AUTS2: variants seen among roughly 807,000 people sequenced by gnomAD.
AUTS2 encodes activator of transcription and developmental regulator AUTS2.
AUTS2 carries 17 observed loss-of-function variants against 112.4 expected under a neutral mutation model. That is an observed-to-expected ratio of 0.15 (90% CI 0.10 to 0.23). The LOEUF (loss-of-function observed/expected upper bound fraction) is 0.23. Ranked by LOEUF, AUTS2 falls within the 10% of genes least tolerant of loss-of-function variation. AUTS2 has a pLI of 1.00. For missense variants in AUTS2, 1,510 were observed against 1,701.6 expected (o/e 0.89, Z 1.98); for synonymous variants, 751 against 702.7 (o/e 1.07, Z -1.09).
intron 4 of AUTS2, among the ~76,000 whole-genome samples, chr7:70,382,917 G>A (rs952689892): frequency 6.6e-6 from 1 of 152,074 alleles, no homozygotes; most frequent in Non-Finnish European, 1.5e-5. Context: ...ACCACCTGAA[G>A]CTGTATCACC....
At chr7:69,628,892 G>A (rs754087168) in intron 1 of AUTS2, among the ~76,000 whole-genome samples, 3 of 152,166 alleles carry the variant, frequency 2.0e-5, no homozygotes, top group Non-Finnish European at 4.4e-5. Context: ...GGAAACCGAG[G>A]CACTGAGATG....
chr7:69,700,162 G>A (rs1797746002), intron 1 of AUTS2, among the ~76,000 whole-genome samples: 1 of 152,134 alleles, frequency 6.6e-6, no homozygotes, highest in South Asian at 2.1e-4. Flanking sequence ...TTGCCAATCT[G>A]ATAGGAGAAA....
intron 4 of AUTS2, among the ~76,000 whole-genome samples, chr7:70,141,089 G>C (rs1806837070): frequency 6.6e-6 from 1 of 152,212 alleles, no homozygotes; most frequent in Non-Finnish European, 1.5e-5. Context: ...GAGCTTGATG[G>C]ATGTTTAGAT....
intron 5 of AUTS2, among the ~76,000 whole-genome samples, chr7:70,551,788 G>A (rs1181752557): frequency 6.6e-6 from 1 of 152,106 alleles, no homozygotes; most frequent in Non-Finnish European, 1.5e-5. Context: ...TAGTAATAGG[G>A]GACACTGGAT....
At chr7:70,304,671 T>G (rs1789405523) in intron 4 of AUTS2, among the ~76,000 whole-genome samples, 1 of 151,990 alleles carries the variant, frequency 6.6e-6, no homozygotes, top group South Asian at 2.1e-4. Context: ...AGGATGAATA[T>G]TCCATATTTG....
At position 70,560,133 on chromosome 7, in the gene AUTS2, G is replaced by A. The variant is rs374907494; in HGVS notation, c.690+124352G>A. The stretch of plus-strand genomic sequence containing the variant: ...GCTCTATCCCGTTATATAGATGGTC[G>A]CTTGGCTTGTTCTCTCACTTCATTC... On this transcript the variant is annotated intron_variant, in intron 5 of 18. Coordinates refer to ENST00000342771, the MANE Select transcript of AUTS2 (RefSeq NM_015570.4). Among the ~76,000 whole-genome samples the A allele has an allele frequency of 7.2e-5, 11 of 152,208 alleles. No homozygotes were observed. In the East Asian group the frequency reaches 7.7e-4, roughly 11 times the overall value.
At chr7:70,616,215 A>C (rs1489963784) in intron 5 of AUTS2, among the ~76,000 whole-genome samples, 2 of 152,238 alleles carry the variant, frequency 1.3e-5, no homozygotes, top group East Asian at 3.9e-4. Context: ...ACATGAAGCC[A>C]GTGCTAGGCC....
chr7:70,362,513 T>C (rs1240725071), intron 4 of AUTS2, among the ~76,000 whole-genome samples: 2 of 152,114 alleles, frequency 1.3e-5, no homozygotes, highest in African/African-American at 4.8e-5. Context: ...CTTGCAGTCT[T>C]ATAAAATAAG....
intron 4 of AUTS2, among the ~76,000 whole-genome samples, chr7:70,420,554 G>A (rs961483575): frequency 1.3e-5 from 2 of 152,162 alleles, no homozygotes; most frequent in Non-Finnish European, 2.9e-5. Flanking sequence ...CCAAGTAATC[G>A]GTTCTGTTCC....
At chr7:69,866,194 C>A (rs944225301) in intron 1 of AUTS2, among the ~76,000 whole-genome samples, 1 of 152,164 alleles carries the variant, frequency 6.6e-6, no homozygotes, top group East Asian at 1.9e-4. Context: ...GCCTACTACT[C>A]CAAAGCCTTC....
At chr7:69,788,470 T>C (rs1357288537) in intron 1 of AUTS2, among the ~76,000 whole-genome samples, 2 of 152,140 alleles carry the variant, frequency 1.3e-5, no homozygotes, top group African/African-American at 4.8e-5. Context: ...GTTTGTGAAG[T>C]CTGGGCAGGC....
chr7:70,787,323 C>A lies in AUTS2; in HGVS notation c.2423C>A (p.Pro808His). The A allele has an allele frequency of 6.2e-7, 1 of 1,614,160 alleles. No homozygotes were observed. The highest frequency in any genetic ancestry group is 8.5e-7 in the Non-Finnish European group (1 of 1,179,988). ...CCTCCGTCGTTCCCGACCCCTCCGCCCTGGCTGAAGCCAGGGGAGCTGGAG... is the reference window on the plus strand; with the variant it reads ...CCTCCGTCGTTCCCGACCCCTCCGCACTGGCTGAAGCCAGGGGAGCTGGAG... ...RTPPSFPTPP[P>H]WLKPGELERS... Residue 808 changes from proline to histidine, a missense_variant, in exon 18 of 19, where the codon CCC (proline) becomes CAC (histidine). Coordinates refer to ENST00000342771, the MANE Select transcript of AUTS2 (RefSeq NM_015570.4).
intron 4 of AUTS2, among the ~76,000 whole-genome samples, chr7:70,298,436 C>T (rs1172275257): frequency 6.6e-6 from 1 of 152,118 alleles, no homozygotes; most frequent in East Asian, 1.9e-4. Context: ...GATTCTGAAA[C>T]CACCTTTCAG....
intron 2 of AUTS2, among the ~76,000 whole-genome samples, chr7:70,070,229 G>C (rs1351020394): frequency 6.6e-6 from 1 of 152,008 alleles, no homozygotes; most frequent in Admixed American, 6.6e-5. Context: ...GTGGCACTCT[G>C]GGGATATTAG....
intron 4 of AUTS2, among the ~76,000 whole-genome samples, chr7:70,377,530 A>G (rs1355331652): frequency 6.6e-6 from 1 of 150,916 alleles, no homozygotes. Flanking sequence ...GTTTAATGGC[A>G]TTAAATACAT....
intron 4 of AUTS2, among the ~76,000 whole-genome samples, chr7:70,298,019 TTTTTTTTGGG>T (rs1480305994): frequency 6.6e-6 from 1 of 151,406 alleles, no homozygotes; most frequent in Non-Finnish European, 1.5e-5. Context: ...CTTTTTTTGG[TTTTTTTTGGG>T]TTTTTTTTGT....
chr7:70,492,282 A>G (rs551007993), intron 5 of AUTS2, among the ~76,000 whole-genome samples: 1 of 152,246 alleles, frequency 6.6e-6, no homozygotes, highest in South Asian at 2.1e-4. Context: ...CTTCCCCCAA[A>G]TAGCCATTGA....
At chr7:70,260,740 G>C (rs1787127114) in intron 4 of AUTS2, among the ~76,000 whole-genome samples, 1 of 151,562 alleles carries the variant, frequency 6.6e-6, no homozygotes, top group Non-Finnish European at 1.5e-5. Flanking sequence ...ACAAAGACCT[G>C]TACCCTTTTT....
intron 4 of AUTS2, among the ~76,000 whole-genome samples, chr7:70,273,231 A>G (rs1365531985): frequency 1.3e-5 from 2 of 152,070 alleles, no homozygotes; most frequent in Non-Finnish European, 2.9e-5. Context: ...TTTTGTAGAG[A>G]CAGGATTTCA....
Sources: allele counts gnomAD v4.1 joint callset (sites outside exome capture counted in the v4.1 genomes callset), GRCh38; gene constraint gnomAD v4.1.1; transcripts MANE v1.5; gene names NCBI Gene and HGNC (gene_info 2026-07-23, HGNC 2026-07-21).